The following LIN52 variants were observed in gnomAD, a reference collection of about 807,000 sequenced individuals.
The protein encoded by LIN52 is lin-52 DREAM MuvB core complex component.
Under a neutral mutation model 18.5 loss-of-function variants are expected in LIN52, and 4 were observed. The ratio of observed to expected loss-of-function variants is 0.22; its 90% CI spans 0.11 to 0.49. LIN52 has a LOEUF of 0.49. LIN52 is among the 20% of genes least tolerant of loss of function. The pLI is 0.97. For synonymous variants in LIN52, 34 were observed against 45.5 expected, an observed-to-expected ratio of 0.75 and a Z score of 1.02; for missense variants, 102 against 139.5, an observed-to-expected ratio of 0.73 and a Z score of 1.35.
intron 5 of LIN52, among the ~76,000 whole-genome samples, chr14:74,166,381 A>G (rs2139570595): frequency 6.6e-6 from 1 of 150,808 alleles, no homozygotes; most frequent in Middle Eastern, 3.5e-3. Context: ...CACGCTGGCT[A>G]ATTTTGCATT....
intron 5 of LIN52, among the ~76,000 whole-genome samples, chr14:74,102,694 T>C (rs1207462828): frequency 6.6e-6 from 1 of 152,242 alleles, no homozygotes; most frequent in Non-Finnish European, 1.5e-5. Context: ...AGGCTTTATC[T>C]CTTTGTGTCA....
intron 5 of LIN52, among the ~76,000 whole-genome samples, chr14:74,165,093 A>G (rs943262067): frequency 6.6e-6 from 1 of 152,234 alleles, no homozygotes; most frequent in Non-Finnish European, 1.5e-5. Context: ...AAACAAAAAA[A>G]AATGTGCAAG....
chr14:74,192,627 A>G (rs2078886101), intron 5 of LIN52: 1 of 235,894 alleles, frequency 4.2e-6, no homozygotes, highest in Non-Finnish European at 8.4e-6. Context: ...GGGGTAGGAT[A>G]GTTCAGTGGT....
At chr14:74,110,994 C>T (rs17096584) in intron 5 of LIN52, among the ~76,000 whole-genome samples, 26,184 of 152,050 alleles carry the variant, frequency 0.17, 2,760 homozygotes, top group East Asian at 0.58. Context: ...AAGATGTCTC[C>T]ATTCAAAACT....
At chr14:74,185,191 T>C (rs987564679) in intron 5 of LIN52, among the ~76,000 whole-genome samples, 6 of 151,910 alleles carry the variant, frequency 3.9e-5, no homozygotes, top group Non-Finnish European at 8.8e-5. Context: ...TAGGTAAATA[T>C]GGTTTTAGTG....
intron 5 of LIN52, among the ~76,000 whole-genome samples, chr14:74,175,466 C>G (rs1312438240): frequency 6.7e-6 from 1 of 150,240 alleles, no homozygotes; most frequent in Non-Finnish European, 1.5e-5. Context: ...AGCGAGGCCC[C>G]AGGATCACTT....
At chr14:74,100,754 G>C (rs1198686847) in intron 4 of LIN52, among the ~76,000 whole-genome samples, 1 of 152,142 alleles carries the variant, frequency 6.6e-6, no homozygotes, top group Non-Finnish European at 1.5e-5. Context: ...AGGATTACAG[G>C]CATGAGCCAC....
chr14:74,197,102 A>G (rs973671832), intron 5 of LIN52, among the ~76,000 whole-genome samples: 1 of 152,234 alleles, frequency 6.6e-6, no homozygotes. Flanking sequence ...AGCAAGGCAC[A>G]TTTAAAAAGA....
At chr14:74,154,736 T>C (rs184488085) in intron 5 of LIN52, among the ~76,000 whole-genome samples, 284 of 152,332 alleles carry the variant, frequency 1.9e-3, no homozygotes, top group Non-Finnish European at 1.9e-3. Context: ...AGCTGTTTTG[T>C]CCCTGCAGCC....
intron 5 of LIN52, among the ~76,000 whole-genome samples, chr14:74,162,635 C>G (rs1428677480): frequency 1.3e-5 from 2 of 151,962 alleles, no homozygotes; most frequent in African/African-American, 2.4e-5. Context: ...CTCAAGGGAT[C>G]CACCCACCTC....
chr14:74,181,612 GTTAACCA>G (rs1229574257), intron 5 of LIN52, among the ~76,000 whole-genome samples: 3 of 151,114 alleles, frequency 2.0e-5, no homozygotes, highest in Non-Finnish European at 4.4e-5. Context: ...TTTACTATAT[GTTAACCA>G]TAAGCAGGTT....
chr14:74,159,811 A>G (rs962763437), intron 5 of LIN52, among the ~76,000 whole-genome samples: 2 of 152,082 alleles, frequency 1.3e-5, no homozygotes, highest in Non-Finnish European at 2.9e-5. Context: ...ACCTCAAGTG[A>G]TCCGCCTGCC....
intron 5 of LIN52, among the ~76,000 whole-genome samples, chr14:74,141,124 A>G (rs1484672875): frequency 2.0e-5 from 3 of 152,236 alleles, no homozygotes; most frequent in Non-Finnish European, 1.5e-5. Context: ...TTAAACTTAT[A>G]CAAATAATAC....
chr14:74,144,125 CA>C (rs1468942818), intron 5 of LIN52, among the ~76,000 whole-genome samples: 27 of 79,922 alleles, frequency 3.4e-4, no homozygotes, highest in African/African-American at 1.0e-3. Context: ...TTTTATTCTT[CA>C]ATTTTTTTTT....
intron 5 of LIN52, chr14:74,114,312 A>G: frequency 1.0e-6 from 1 of 985,458 alleles, no homozygotes; most frequent in Non-Finnish European, 1.2e-6. Flanking sequence ...GGAAAGATAC[A>G]CACCTTTAGG....
intron 5 of LIN52, among the ~76,000 whole-genome samples, chr14:74,119,899 G>A (rs893951736): frequency 1.3e-5 from 2 of 149,868 alleles, no homozygotes; most frequent in African/African-American, 4.9e-5. Flanking sequence ...GCAATGGCAC[G>A]ATCTCAGCTC....
At chr14:74,169,179 C>T (rs1431613677) in intron 5 of LIN52, among the ~76,000 whole-genome samples, 1 of 152,192 alleles carries the variant, frequency 6.6e-6, no homozygotes, top group African/African-American at 2.4e-5. Context: ...ACCTTAGTGA[C>T]TGTTTCTAAA....
At chr14:74,124,418 C>T (rs1002492337) in intron 5 of LIN52, among the ~76,000 whole-genome samples, 2 of 152,020 alleles carry the variant, frequency 1.3e-5, no homozygotes, top group Admixed American at 1.3e-4. Context: ...CAGAAACATT[C>T]GTGAATTTAA....
Position 74,201,482 on chromosome 14 carries a change from C to G in LIN52, c.*2505C>G, listed in dbSNP as rs977430995. Among the ~76,000 whole-genome samples the G allele has an allele frequency of 3.3e-5, 5 of 152,190 alleles. No individual in the cohort carries two copies. The highest frequency in any genetic ancestry group is 5.9e-5 in the Non-Finnish European group (4 of 68,040). The stretch of plus-strand genomic sequence containing the variant: ...GTGTCTACTAATAAAGTCTCAATCT[C>G]TTGACCCGGCATTTTAAGACTCTCT... On this transcript the variant is annotated 3_prime_UTR_variant, in exon 6 of 6. Coordinates refer to ENST00000555028, the MANE Select transcript of LIN52 (RefSeq NM_001024674.3).
Sources: allele counts gnomAD v4.1 joint callset (sites outside exome capture counted in the v4.1 genomes callset), GRCh38; gene constraint gnomAD v4.1.1; transcripts MANE v1.5; gene names NCBI Gene and HGNC (gene_info 2026-07-23, HGNC 2026-07-21).